The following ARFGEF1 variants were observed in gnomAD, a reference collection of about 807,000 sequenced individuals.
The protein encoded by ARFGEF1 is ARF guanine nucleotide exchange factor 1.
ARFGEF1 carries 42 observed loss-of-function variants against 231.0 expected under a neutral mutation model. The ratio of observed to expected loss-of-function variants is 0.18; its 90% CI spans 0.14 to 0.24. The LOEUF is 0.24. Ranked by LOEUF, ARFGEF1 falls within the 10% of genes least tolerant of loss-of-function variation. The probability of loss-of-function intolerance (pLI) is 1.00; values close to 1 mark genes in which losing one functional copy is unlikely to be tolerated. For synonymous variants in ARFGEF1, 710 were observed against 732.3 expected (o/e 0.97, Z 0.49); for missense variants, 1,345 against 2,192.0 (o/e 0.61, Z 7.72).
intron 7 of ARFGEF1, 141 bp downstream of exon 7, chr8:67,287,814 C>G (rs1805823075): frequency 2.0e-6 from 1 of 491,850 alleles, no homozygotes; most frequent in Non-Finnish European, 3.3e-6. Flanking sequence ...GGCCAAAATC[C>G]TAAATGTGGA....
chr8:67,311,285 G>A (rs1298063363), intron 1 of ARFGEF1, among the ~76,000 whole-genome samples: 4 of 127,102 alleles, frequency 3.1e-5, no homozygotes, highest in South Asian at 2.7e-4. Flanking sequence ...CGGGAGGGAG[G>A]TGGGGGGGGT....
chr8:67,276,667 T>C (rs1805326480), intron 8 of ARFGEF1, among the ~76,000 whole-genome samples: 1 of 152,150 alleles, frequency 6.6e-6, no homozygotes, highest in South Asian at 2.1e-4. Flanking sequence ...TACTGATTTC[T>C]TTGCAGCCCT....
chr8:67,259,957 T>C (rs1261372979), intron 14 of ARFGEF1, 31 bp from the exon 15 acceptor site: 2 of 1,458,426 alleles, frequency 1.4e-6, no homozygotes, highest in Non-Finnish European at 9.5e-7. Context: ...ACATTAAAAA[T>C]AGAAAACCAT....
At chr8:67,293,272 CTT>C (rs1806087067) in intron 5 of ARFGEF1, among the ~76,000 whole-genome samples, 1 of 152,136 alleles carries the variant, frequency 6.6e-6, no homozygotes, top group South Asian at 2.1e-4. Context: ...AAGGGAAACT[CTT>C]TGCCTCAAAT....
At chr8:67,303,982 T>G (rs1806619979) in intron 1 of ARFGEF1, among the ~76,000 whole-genome samples, 1 of 152,302 alleles carries the variant, frequency 6.6e-6, no homozygotes, top group African/African-American at 2.4e-5. Flanking sequence ...GTCCAAAGGC[T>G]GCATGGCTTG....
At chr8:67,245,968 A>G (rs1840094506) in intron 19 of ARFGEF1, among the ~76,000 whole-genome samples, 1 of 150,582 alleles carries the variant, frequency 6.6e-6, no homozygotes, top group Non-Finnish European at 1.5e-5. Flanking sequence ...CAGAAAAAAT[A>G]TATTTCAAGA....
At position 67,224,871 on chromosome 8, in the gene ARFGEF1, CCAAAATTTTAATTA is replaced by C. The variant is rs1484846128; in HGVS notation, c.4208+18_4208+31del. On this transcript the variant is annotated intron_variant, in intron 29 of 38. Transcript: ENST00000262215. ...TAATTTGATTAAAGTCAAAATAAAT[CCAAAATTTTAATTA>C]CAAATATAGATTGTTACCTGGTTCT... 2.1e-6 allele frequency: 3 copies of C among 1,441,158 alleles called. No homozygotes were observed. The South Asian group carries it at 4.6e-5, about 22-fold the overall frequency. 89.3% of individuals were successfully genotyped at this position (1,441,158 alleles called of 1,614,324 possible).
chr8:67,329,371 T>G (rs930651008), intron 1 of ARFGEF1, among the ~76,000 whole-genome samples: 8 of 150,630 alleles, frequency 5.3e-5, no homozygotes, highest in African/African-American at 2.4e-5. Flanking sequence ...CTATTAAAAA[T>G]ACAAAAAATT....
At chr8:67,277,663 C>G (rs1805369301) in intron 7 of ARFGEF1, among the ~76,000 whole-genome samples, 1 of 152,140 alleles carries the variant, frequency 6.6e-6, no homozygotes, top group Non-Finnish European at 1.5e-5. Flanking sequence ...GTTGCTCTGG[C>G]AATGAAACAC....
chr8:67,250,013 G>C (rs1840227942), intron 19 of ARFGEF1, among the ~76,000 whole-genome samples: 1 of 152,198 alleles, frequency 6.6e-6, no homozygotes, highest in African/African-American at 2.4e-5. Context: ...GCCCTGAAGA[G>C]AAAATAATTT....
In ARFGEF1 at chr8:67,203,117, G is replaced by A. The variant is rs764120203; in HGVS notation, c.5094C>T (p.Ser1698=). ...ESHRFAKAFN[S]NNEQRTALWK... ...ACAGGGCAGTCCTCTGTTCGTTGTTGGAATTAAACGCTTTTGCAAATCTAT... is the reference window on the plus strand; with the variant it reads ...ACAGGGCAGTCCTCTGTTCGTTGTTAGAATTAAACGCTTTTGCAAATCTAT... Residue 1698 remains serine (S), a synonymous_variant, in exon 36 of 39, where the codon TCC becomes TCT. Transcript: ENST00000262215. The A allele has an allele frequency of 6.2e-7, 1 of 1,613,968 alleles. No homozygotes were observed. Among genetic ancestry groups the A allele is most frequent in the Non-Finnish European group, 8.5e-7 (1 of 1,179,966 alleles).
intron 1 of ARFGEF1, among the ~76,000 whole-genome samples, chr8:67,312,100 C>T (rs149514976): frequency 0.015 from 2,298 of 152,086 alleles, 62 homozygotes; most frequent in African/African-American, 0.053. Context: ...ACAAACACTG[C>T]GGAAGGCAGT....
intron 1 of ARFGEF1, among the ~76,000 whole-genome samples, chr8:67,326,028 T>C (rs1333993114): frequency 6.6e-6 from 1 of 151,944 alleles, no homozygotes; most frequent in Non-Finnish European, 1.5e-5. Flanking sequence ...GTAAAACCCC[T>C]TCTCTACTAA....
chr8:67,290,033 T>A (rs1805941007), intron 6 of ARFGEF1, among the ~76,000 whole-genome samples: 1 of 152,112 alleles, frequency 6.6e-6, no homozygotes. Context: ...CTTAGAGAAG[T>A]TAACTATTAT....
At chr8:67,329,901 G>C (rs562235318) in intron 1 of ARFGEF1, among the ~76,000 whole-genome samples, 1 of 152,004 alleles carries the variant, frequency 6.6e-6, no homozygotes, top group Admixed American at 6.5e-5. Context: ...GTTAAGGATA[G>C]AAAGCTTCAA....
chr8:67,328,102 GTGAGA>G (rs1259788799), intron 1 of ARFGEF1, among the ~76,000 whole-genome samples: 2 of 152,136 alleles, frequency 1.3e-5, no homozygotes, highest in South Asian at 4.1e-4. Flanking sequence ...TGACAGAGAG[GTGAGA>G]TAAGACATTT....
At chr8:67,225,431 T>A (rs976173192) in intron 28 of ARFGEF1, among the ~76,000 whole-genome samples, 6 of 152,210 alleles carry the variant, frequency 3.9e-5, no homozygotes, top group African/African-American at 1.4e-4. Context: ...AAGCACCTGA[T>A]CGGTCCATGG....
chr8:67,224,826 TTG>T, intron 29 of ARFGEF1, 75 bp downstream of exon 29: 1 of 1,022,996 alleles, frequency 9.8e-7, no homozygotes. Flanking sequence ...AACTGTGAGA[TTG>T]TGTTTATAAA....
At chr8:67,192,849 A>G (rs1836762368), downstream of ARFGEF1, among the ~76,000 whole-genome samples, 2 of 152,152 alleles carry the variant, frequency 1.3e-5, no homozygotes, top group African/African-American at 2.4e-5. Context: ...ATTGATCTAC[A>G]TGTCTTTTCT....
Sources: allele counts gnomAD v4.1 joint callset (sites outside exome capture counted in the v4.1 genomes callset), GRCh38; gene constraint gnomAD v4.1.1; transcripts MANE v1.5; gene names NCBI Gene and HGNC (gene_info 2026-07-23, HGNC 2026-07-21).